GIMAP6: variants seen among roughly 807,000 people sequenced by gnomAD.
GIMAP6 encodes GTPase, IMAP family member 6, also known as GTPase IMAP family member 6.
In GIMAP6, 6 loss-of-function variants were observed where a neutral mutation model predicts 9.3. That is an observed-to-expected ratio of 0.65 (90% CI 0.35 to 1.27). GIMAP6 has a LOEUF of 1.27. Among genes scored for constraint, GIMAP6 ranks in the 50% most tolerant of loss-of-function variants. GIMAP6 has a pLI of 0.03. For synonymous variants in GIMAP6, 156 were observed against 151.1 expected (o/e 1.03, Z -0.24); for missense variants, 333 against 359.5 (o/e 0.93, Z 0.60).
chr7:150,629,647 C>A (rs1248383074), intron 2 of GIMAP6, among the ~76,000 whole-genome samples: 1 of 152,106 alleles, frequency 6.6e-6, no homozygotes, highest in Non-Finnish European at 1.5e-5. Context: ...AAACTTACAA[C>A]TGTGACAGCT....
At position 150,627,860 on chromosome 7, in the gene GIMAP6, T is replaced by C; in HGVS notation, c.738A>G (p.Lys246=). The C allele has an allele frequency of 6.2e-7, 1 of 1,614,274 alleles. No homozygotes were observed. Residue 246 remains lysine (K), a synonymous_variant, in exon 3 of 3, where the codon AAA becomes AAG. Coordinates refer to ENST00000328902, the MANE Select transcript of GIMAP6 (RefSeq NM_024711.6). ...GGCTTACTTGCCTTTCCTGTAGTTC[T>C]TTCAGCCGAAAGTTTTGCTGGGTAT... ...YQYTQQNFRL[K]ELQERQVSQG... is the part of the protein sequence containing the mutation.
In GIMAP6 at chr7:150,628,265, A is replaced by G. The variant is rs1162685461; in HGVS notation, c.333T>C (p.Ala111=). The G allele has an allele frequency of 6.2e-7, 1 of 1,614,142 alleles. No individual in the cohort carries two copies. The highest frequency in any genetic ancestry group is 1.1e-5 in the South Asian group (1 of 91,082). Residue 111 remains alanine (A), a synonymous_variant, in exon 3 of 3, where the codon GCT becomes GCC. Coordinates refer to ENST00000328902, the MANE Select transcript of GIMAP6 (RefSeq NM_024711.6). ...CGGATAAGACGATGGCTTGGCAGAT[A>G]GCGTCTGCCACCTCTGGCGAGACCT... ...SPQVSPEVAD[A]ICQAIVLSAP...
In GIMAP6 at chr7:150,627,144, C is replaced by G. The variant is rs973998976; in HGVS notation, c.*575G>C. 3 of 157,530 alleles carry G rather than the reference C, an allele frequency of 1.9e-5. No individual in the cohort carries two copies. The highest frequency in any genetic ancestry group is 1.9e-4 in the Admixed American group (3 of 15,850). The allele number at this position is 157,530 out of a possible 1,614,324, so 9.8% of individuals were successfully genotyped here. Reference sequence around the variant, plus strand: ...TGCTCCTCCTGCCTCCATCCCTGTTCCTGCTTGCTCTCCTCCCAGCCCAGT... The same window carrying G: ...TGCTCCTCCTGCCTCCATCCCTGTTGCTGCTTGCTCTCCTCCCAGCCCAGT... On this transcript the variant is annotated 3_prime_UTR_variant, in exon 3 of 3. Coordinates refer to ENST00000328902, the MANE Select transcript of GIMAP6 (RefSeq NM_024711.6).
In GIMAP6 at chr7:150,628,354, G is replaced by A. The variant is rs149376163; in HGVS notation, c.244C>T (p.Arg82Trp). 76 of 1,613,970 alleles carry A rather than the reference G, an allele frequency of 4.7e-5. 1 individual carries two copies. The Admixed American group carries it at 4.8e-4, about 10-fold the overall frequency. ...TRPVTKTSQR[R>W]SREWAGKELE... ...TCCTTCCCAGCCCACTCTCGGCTCCGTCTCTGGGAGGTCTTGGTCACGGGT... is the reference window on the plus strand; with the variant it reads ...TCCTTCCCAGCCCACTCTCGGCTCCATCTCTGGGAGGTCTTGGTCACGGGT... The change falls in exon 3 of 3, where the codon CGG (arginine) becomes TGG (tryptophan). Residue 82 changes from arginine to tryptophan, a missense_variant. Arg to Trp is a moderately radical substitution (Grantham distance 101, BLOSUM62 -3). Transcript: ENST00000328902.
At chr7:150,629,902 G>T (rs1217324691) in intron 2 of GIMAP6, among the ~76,000 whole-genome samples, 156 bp downstream of exon 2, 1 of 151,924 alleles carries the variant, frequency 6.6e-6, no homozygotes, top group African/African-American at 2.4e-5. Flanking sequence ...GATAAGAAGG[G>T]CCCTACCCCA....
At position 150,625,391 on chromosome 7, in the gene GIMAP6, A is replaced by C. The variant is rs762836460; in HGVS notation, c.*2328T>G. ...AACACCATATTTGAGGTAAATAAAAACAACATTTAATGAATGACATGTTTT... is the reference window on the plus strand; with the variant it reads ...AACACCATATTTGAGGTAAATAAAACCAACATTTAATGAATGACATGTTTT... On this transcript the variant is annotated 3_prime_UTR_variant, in exon 3 of 3. Transcript: ENST00000328902. 2.0e-5 allele frequency: 3 copies of C among 152,226 alleles called. No individual in the cohort carries two copies. Among genetic ancestry groups the C allele is most frequent in the Non-Finnish European group, 2.9e-5 (2 of 68,050 alleles). 9.4% of individuals were successfully genotyped at this position (152,226 alleles called of 1,614,324 possible).
At position 150,627,233 on chromosome 7, in the gene GIMAP6, C is replaced by T. The variant is rs945955955; in HGVS notation, c.*486G>A. 5.5e-6 allele frequency: 1 copy of T among 182,404 alleles called. No homozygotes were observed. The highest frequency in any genetic ancestry group is 2.4e-5 in the African/African-American group (1 of 41,838). The allele number at this position is 182,404 out of a possible 1,614,324, so 11.3% of individuals were successfully genotyped here. On this transcript the variant is annotated 3_prime_UTR_variant, in exon 3 of 3. Transcript: ENST00000328902. ...TCTCAGCACCACTGCCATGTTCCAG[C>T]CACCAGACACAACAGGCACCTTAAA...
rs1796286725 is a variant in GIMAP6 at position 150,626,037 on chromosome 7, C to T, written c.*1682G>A. 1 of 152,250 alleles carries T rather than the reference C, an allele frequency of 6.6e-6. No homozygotes were observed. Among genetic ancestry groups the T allele is most frequent in the Admixed American group, 6.5e-5 (1 of 15,284 alleles). 9.4% of individuals were successfully genotyped at this position (152,250 alleles called of 1,614,324 possible). A position where few individuals can be genotyped will look rare whatever the true frequency, so the allele number is the denominator to read the frequency against. ...TGTCTTCAGCAAACACCAAATAACT[C>T]TGTGCTCTGCTTTGAGACACTTTTC... On this transcript the variant is annotated 3_prime_UTR_variant, in exon 3 of 3. Coordinates refer to ENST00000328902, the MANE Select transcript of GIMAP6 (RefSeq NM_024711.6).
In GIMAP6 at chr7:150,625,607, C is replaced by T. The variant is rs1796279334; in HGVS notation, c.*2112G>A. The T allele has an allele frequency of 6.6e-6, 1 of 152,168 alleles. No homozygotes were observed. Among genetic ancestry groups the T allele is most frequent in the Non-Finnish European group, 1.5e-5 (1 of 68,036 alleles). The allele number at this position is 152,168 out of a possible 1,614,324, so 9.4% of individuals were successfully genotyped here. A position where few individuals can be genotyped will look rare whatever the true frequency, so the allele number is the denominator to read the frequency against. On this transcript the variant is annotated 3_prime_UTR_variant, in exon 3 of 3. Coordinates refer to ENST00000328902, the MANE Select transcript of GIMAP6 (RefSeq NM_024711.6). Reference sequence around the variant, plus strand: ...AGCTCTGGAGTTTCAAGTCTGTTCACTTAGAAATAAAATGGCCTTAATTAA... The same window carrying T: ...AGCTCTGGAGTTTCAAGTCTGTTCATTTAGAAATAAAATGGCCTTAATTAA...
chr7:150,630,179 T>C, intron 1 of GIMAP6, 37 bp from the exon 2 acceptor site: 1 of 1,461,960 alleles, frequency 6.8e-7, no homozygotes, highest in Non-Finnish European at 9.2e-7. Flanking sequence ...TCATATGTTC[T>C]ACTGACTTTC....
chr7:150,628,829 C>A (rs1009457039), intron 2 of GIMAP6: 5 of 1,118,806 alleles, frequency 4.5e-6, no homozygotes, highest in Middle Eastern at 2.0e-4. Context: ...CTTCTCCTGG[C>A]CTTGCGGGTC....
At position 150,627,621 on chromosome 7, in the gene GIMAP6, G is replaced by A. The variant is rs1796316132; in HGVS notation, c.*98C>T. ...CCTACACCAGACGTCATGACCTGGA[G>A]ACTGGGAAGCACTCCATGGGATGGA... On this transcript the variant is annotated 3_prime_UTR_variant, in exon 3 of 3. Coordinates refer to ENST00000328902, the MANE Select transcript of GIMAP6 (RefSeq NM_024711.6). 6.8e-7 allele frequency: 1 copy of A among 1,468,166 alleles called. No individual in the cohort carries two copies. The allele number at this position is 1,468,166 out of a possible 1,614,324, so 90.9% of individuals were successfully genotyped here.
Position 150,630,144 on chromosome 7 carries a change from TACAA to T in GIMAP6, c.1-6_1-3del, listed in dbSNP as rs766186519. On this transcript the variant is annotated splice_polypyrimidine_tract_variant and splice_region_variant and intron_variant, in intron 1 of 2. Coordinates refer to ENST00000328902, the MANE Select transcript of GIMAP6 (RefSeq NM_024711.6). The stretch of plus-strand genomic sequence containing the variant: ...TTGTTCATATTCTTCTTCCTCCATC[TACAA>T]AAAAAAAAAAAAAAAAAAAATCATA... The T allele has an allele frequency of 2.1e-5, 18 of 855,348 alleles. No homozygotes were observed. The highest frequency in any genetic ancestry group is 5.1e-5 in the South Asian group (2 of 39,038). The allele number at this position is 855,348 out of a possible 1,614,324, so 53.0% of individuals were successfully genotyped here. A position where few individuals can be genotyped will look rare whatever the true frequency, so the allele number is the denominator to read the frequency against.
At chr7:150,629,938 G>T in intron 2 of GIMAP6, 120 bp downstream of exon 2, 1 of 735,208 alleles carries the variant, frequency 1.4e-6, no homozygotes. Context: ...GGCTGAGGCG[G>T]GTAAATTTCT....
rs750204813 is a variant in GIMAP6, at chr7:150,628,020, G to T, written c.578C>A (p.Ala193Glu). The T allele has an allele frequency of 6.2e-7, 1 of 1,614,262 alleles. No individual in the cohort carries two copies. The highest frequency in any genetic ancestry group is 1.7e-5 in the Admixed American group (1 of 60,038). ...QALAWLDVTL[A>E]RRHCGFNNRA... ...GTTGTTGAAGCCGCAATGGCGCCGT[G>T]CAAGGGTCACATCCAGCCAGGCAAG... Residue 193 changes from alanine (A) to glutamate (E), a missense_variant, in exon 3 of 3, where the codon GCA (alanine) becomes GAA (glutamate). Coordinates refer to ENST00000328902, the MANE Select transcript of GIMAP6 (RefSeq NM_024711.6).
intron 2 of GIMAP6, chr7:150,628,777 G>T: frequency 7.0e-7 from 1 of 1,421,964 alleles, no homozygotes; most frequent in Non-Finnish European, 9.2e-7. Context: ...CAATACCAAG[G>T]TTTTTAGATA....
At position 150,628,451 on chromosome 7, in the gene GIMAP6, T is replaced by A. The variant is rs1470861117; in HGVS notation, c.147A>T (p.Thr49=). ...TTCCTGTTGCACTCTTCCCACTCCCTGTTTTCCCCATGAGAATGAGCCTCA... is the reference window on the plus strand; with the variant it reads ...TTCCTGTTGCACTCTTCCCACTCCCAGTTTTCCCCATGAGAATGAGCCTCA... ...RRLRLILMGK[T]GSGKSATGNS... is the part of the protein sequence containing the mutation. Residue 49 remains threonine, a synonymous_variant, in exon 3 of 3, where the codon ACA becomes ACT. Transcript: ENST00000328902. The A allele has an allele frequency of 6.2e-7, 1 of 1,614,194 alleles. No homozygotes were observed. Among genetic ancestry groups the A allele is most frequent in the Non-Finnish European group, 8.5e-7 (1 of 1,180,020 alleles).
At chr7:150,630,228 C>G in intron 1 of GIMAP6, 86 bp from the exon 2 acceptor site, 1 of 1,121,280 alleles carries the variant, frequency 8.9e-7, no homozygotes. Flanking sequence ...TCGCCTTTCT[C>G]TTGCCAGAGG....
rs770749946 is a variant in GIMAP6, at chr7:150,627,834, T to C, written c.764A>G (p.Gln255Arg). 4 of 1,614,126 alleles carry C rather than the reference T, an allele frequency of 2.5e-6. No individual in the cohort carries two copies. The highest frequency in any genetic ancestry group is 3.4e-6 in the Non-Finnish European group (4 of 1,180,038). The change falls in exon 3 of 3, where the codon CAG becomes CGG. Residue 255 changes from glutamine to arginine, a missense_variant. Transcript: ENST00000328902. ...LKELQERQVS[Q>R]GQGSEDVPGE... ...AGGCACGTCCTCAGAGCCTTGGCCC[T>C]GGCTTACTTGCCTTTCCTGTAGTTC...
Sources: allele counts gnomAD v4.1 joint callset (sites outside exome capture counted in the v4.1 genomes callset), GRCh38; gene constraint gnomAD v4.1.1; transcripts MANE v1.5; gene names NCBI Gene and HGNC (gene_info 2026-07-23, HGNC 2026-07-21).